Variants in PLCB1 observed in about 807,000 individuals in gnomAD.
The protein encoded by PLCB1 is 1-phosphatidylinositol 4,5-bisphosphate phosphodiesterase beta-1.
In PLCB1, 46 loss-of-function variants were observed where a neutral mutation model predicts 161.8. The observed-to-expected ratio is 0.28, with a 90% CI of 0.22 to 0.36. The LOEUF is 0.36. Ranked by LOEUF, PLCB1 falls within the 10% of genes least tolerant of loss-of-function variation. The probability of loss-of-function intolerance (pLI) is 1.00; values close to 1 mark genes in which losing one functional copy is unlikely to be tolerated. For synonymous variants in PLCB1, 517 were observed against 503.7 expected (o/e 1.03, Z -0.35); for missense variants, 1,016 against 1,472.5 (o/e 0.69, Z 5.07).
intron 3 of PLCB1, among the ~76,000 whole-genome samples, chr20:8,389,998 T>C (rs759458077): frequency 2.0e-5 from 3 of 152,200 alleles, no homozygotes; most frequent in Non-Finnish European, 4.4e-5. Context: ...AGAAAAGCAT[T>C]GAGAATTTTC....
intron 4 of PLCB1, among the ~76,000 whole-genome samples, chr20:8,643,756 C>G (rs1241067089): frequency 6.9e-6 from 1 of 145,758 alleles, no homozygotes; most frequent in East Asian, 2.0e-4. Flanking sequence ...TCTCCCTCTC[C>G]CTCTCCCTCT....
chr20:8,282,770 C>T (rs1000061939), intron 2 of PLCB1, among the ~76,000 whole-genome samples: 2 of 152,096 alleles, frequency 1.3e-5, no homozygotes, highest in African/African-American at 4.8e-5. Flanking sequence ...CTTGTCCCAA[C>T]TGCTTTTAAT....
intron 11 of PLCB1, among the ~76,000 whole-genome samples, chr20:8,700,086 G>A (rs181067166): frequency 6.6e-6 from 1 of 152,292 alleles, no homozygotes; most frequent in East Asian, 1.9e-4. Flanking sequence ...AGTGGAGACA[G>A]GTTACCCCCA....
chr20:8,315,028 CA>C (rs1407052998), intron 2 of PLCB1, among the ~76,000 whole-genome samples: 1 of 152,144 alleles, frequency 6.6e-6, no homozygotes, highest in Non-Finnish European at 1.5e-5. Context: ...GGATGGAGCT[CA>C]AAGCCAACAG....
At chr20:8,424,704 C>G (rs547939746) in intron 3 of PLCB1, among the ~76,000 whole-genome samples, 1 of 152,230 alleles carries the variant, frequency 6.6e-6, no homozygotes, top group East Asian at 1.9e-4. Context: ...AAGTCTTCCA[C>G]CAAAATACTT....
At chr20:8,408,335 G>T (rs1039958982) in intron 3 of PLCB1, among the ~76,000 whole-genome samples, 3 of 151,870 alleles carry the variant, frequency 2.0e-5, no homozygotes, top group African/African-American at 4.8e-5. Flanking sequence ...ATTACCGGGG[G>T]CCAGGAGTTC....
At chr20:8,420,289 T>A (rs2098468982) in intron 3 of PLCB1, among the ~76,000 whole-genome samples, 1 of 152,210 alleles carries the variant, frequency 6.6e-6, no homozygotes, top group South Asian at 2.1e-4. Context: ...TCCTACCTAC[T>A]ATCCTTGCAA....
intron 3 of PLCB1, among the ~76,000 whole-genome samples, chr20:8,584,587 C>T (rs1278859789): frequency 1.3e-5 from 2 of 152,012 alleles, no homozygotes; most frequent in African/African-American, 4.8e-5. Context: ...ACCAAGAGAC[C>T]ACTACTATAG....
At chr20:8,263,724 A>AAACATAGAATCTATTC (rs2123247558) in intron 2 of PLCB1, among the ~76,000 whole-genome samples, 1 of 152,288 alleles carries the variant, frequency 6.6e-6, no homozygotes, top group Admixed American at 6.5e-5. Flanking sequence ...CATGTATCTA[A>AAACATAGAATCTATTC]ATGTATGTAA....
intron 3 of PLCB1, among the ~76,000 whole-genome samples, chr20:8,536,645 C>T (rs1288336445): frequency 6.6e-6 from 1 of 152,192 alleles, no homozygotes; most frequent in Non-Finnish European, 1.5e-5. Context: ...TCTGTAGCAT[C>T]TCCTGACAGC....
intron 31 of PLCB1, among the ~76,000 whole-genome samples, chr20:8,844,208 C>T (rs1205065164): frequency 6.6e-6 from 1 of 152,210 alleles, no homozygotes; most frequent in African/African-American, 2.4e-5. Flanking sequence ...CAGCTCTCAA[C>T]TCTGCCGTTG....
At chr20:8,544,735 C>T (rs943285636) in intron 3 of PLCB1, among the ~76,000 whole-genome samples, 1 of 152,198 alleles carries the variant, frequency 6.6e-6, no homozygotes, top group Admixed American at 6.5e-5. Flanking sequence ...TCCTGATGTG[C>T]ATGTGAAACT....
At chr20:8,662,573 T>A (rs1324041272) in intron 9 of PLCB1, among the ~76,000 whole-genome samples, 1 of 145,422 alleles carries the variant, frequency 6.9e-6, no homozygotes, top group Non-Finnish European at 1.5e-5. Flanking sequence ...CAATATATAT[T>A]ATTAACATAA....
intron 1 of PLCB1, among the ~76,000 whole-genome samples, chr20:8,148,294 TGAAA>T (rs1380444959): frequency 6.6e-6 from 1 of 152,132 alleles, no homozygotes; most frequent in Non-Finnish European, 1.5e-5. Context: ...TGCAATCTCA[TGAAA>T]GAAGCCTAAA....
chr20:8,509,306 A>C (rs1327713506), intron 3 of PLCB1, among the ~76,000 whole-genome samples: 1 of 152,198 alleles, frequency 6.6e-6, no homozygotes, highest in Non-Finnish European at 1.5e-5. Flanking sequence ...TTCCCCAAAC[A>C]CATTCCACAG....
At chr20:8,334,429 TATAA>T (rs200543568) in intron 2 of PLCB1, among the ~76,000 whole-genome samples, 2,765 of 152,346 alleles carry the variant, frequency 0.018, 42 homozygotes, top group Middle Eastern at 0.027. Context: ...AGGCATTCAT[TATAA>T]ATATTCTTTT....
intron 1 of PLCB1, among the ~76,000 whole-genome samples, chr20:8,137,760 G>A (rs2051363757): frequency 6.6e-6 from 1 of 152,070 alleles, no homozygotes; most frequent in African/African-American, 2.4e-5. Context: ...CAGTCCCTAC[G>A]TCCCCTTCTA....
chr20:8,247,233 G>A (rs542544452), intron 2 of PLCB1, among the ~76,000 whole-genome samples: 78 of 151,878 alleles, frequency 5.1e-4, no homozygotes, highest in African/African-American at 1.5e-3. Context: ...TTTCATAAAG[G>A]GTTCATCACC....
chr20:8,402,286 T>C (rs545526038), intron 3 of PLCB1, among the ~76,000 whole-genome samples: 1 of 152,308 alleles, frequency 6.6e-6, no homozygotes, highest in African/African-American at 2.4e-5. Flanking sequence ...TTTATGTCTT[T>C]AGCATACTAC....
Sources: gnomAD v4.1 joint callset for allele counts (sites outside exome capture counted in the v4.1 genomes callset) on GRCh38, gnomAD v4.1.1 for gene constraint, MANE v1.5 for transcripts, NCBI Gene and HGNC (gene_info 2026-07-23, HGNC 2026-07-21) for gene names.